The following RELN variants were observed in gnomAD, a reference collection of about 807,000 sequenced individuals.
RELN encodes the protein reelin.
A neutral mutation model predicts 427.6 loss-of-function variants in RELN; 108 were observed. The observed-to-expected ratio is 0.25, with a 90% confidence interval of 0.22 to 0.30. The LOEUF is 0.30. Among genes scored for constraint, RELN ranks in the 10% least tolerant of loss-of-function variants. The pLI, the probability that RELN is intolerant of heterozygous loss-of-function variation, is 1.00. For missense variants in RELN, 3,715 were observed against 4,302.8 expected (o/e 0.86, Z 3.82); for synonymous variants, 1,524 against 1,513.4 (o/e 1.01, Z -0.16).
At chr7:103,949,022 CAAAAAAAAAA>C (rs66678362) in intron 1 of RELN, among the ~76,000 whole-genome samples, 9 of 88,866 alleles carry the variant, frequency 1.0e-4, no homozygotes, top group South Asian at 4.2e-4. Context: ...ACATTGTCTC[CAAAAAAAAAA>C]AAAAAAAAAA....
At chr7:103,775,253 C>T (rs1791709381) in intron 4 of RELN, among the ~76,000 whole-genome samples, 2 of 152,074 alleles carry the variant, frequency 1.3e-5, no homozygotes, top group Admixed American at 1.3e-4. Context: ...AGCCTACCTA[C>T]AAAGGCACAT....
chr7:103,920,124 G>A (rs1455293870), intron 1 of RELN, among the ~76,000 whole-genome samples: 13 of 152,156 alleles, frequency 8.5e-5, no homozygotes, highest in East Asian at 1.9e-4. Context: ...CATTTTTGCA[G>A]TTTTCTGATA....
At position 103,499,975 on chromosome 7, in the gene RELN, T is replaced by A. The variant is rs577094524; in HGVS notation, c.8667+770A>T. Among the ~76,000 whole-genome samples, 169 of 152,322 alleles carry A rather than the reference T, an allele frequency of 1.1e-3. 2 individuals are homozygous for A. The South Asian group carries it at 0.034, about 31-fold the overall frequency. ...AAATGAGCATTGTTCCAATTTTATT[T>A]AAAAAATGTTCAATTCCATAGTTGA... On this transcript the variant is annotated intron_variant, in intron 53 of 64. Coordinates refer to ENST00000428762, the MANE Select transcript of RELN (RefSeq NM_005045.4).
intron 2 of RELN, among the ~76,000 whole-genome samples, chr7:103,860,965 A>G (rs1243094510): frequency 1.3e-5 from 2 of 152,216 alleles, no homozygotes; most frequent in Admixed American, 1.3e-4. Context: ...AACAAATATA[A>G]CAAAAATAAC....
chr7:103,735,921 G>C (rs1381360631), intron 6 of RELN, among the ~76,000 whole-genome samples: 1 of 152,186 alleles, frequency 6.6e-6, no homozygotes, highest in Admixed American at 6.5e-5. Context: ...GAGATAGTCA[G>C]ATAATTTTAA....
intron 6 of RELN, among the ~76,000 whole-genome samples, chr7:103,746,054 G>C (rs905557333): frequency 9.9e-5 from 15 of 151,970 alleles, no homozygotes; most frequent in Non-Finnish European, 2.1e-4. Context: ...GCATGGTACT[G>C]GTACCAAAAC....
At chr7:103,870,641 G>T (rs1794308736) in intron 2 of RELN, among the ~76,000 whole-genome samples, 1 of 152,070 alleles carries the variant, frequency 6.6e-6, no homozygotes, top group Non-Finnish European at 1.5e-5. Flanking sequence ...GATGCCCAGA[G>T]GTGTTTTCAA....
intron 48 of RELN, among the ~76,000 whole-genome samples, chr7:103,520,337 G>A (rs1371184403): frequency 2.0e-5 from 3 of 152,072 alleles, no homozygotes; most frequent in African/African-American, 7.2e-5. Context: ...GTGCAGTGGT[G>A]CAGTCTCGGC....
chr7:103,566,105 A>G (rs2117187887), intron 33 of RELN, 119 bp downstream of exon 33: 3 of 869,210 alleles, frequency 3.5e-6, no homozygotes, highest in Non-Finnish European at 5.6e-6. Flanking sequence ...ACTGAGAGCC[A>G]CCCTCAGCAT....
intron 4 of RELN, among the ~76,000 whole-genome samples, chr7:103,767,323 T>C (rs1791451435): frequency 6.6e-6 from 1 of 152,220 alleles, no homozygotes; most frequent in Admixed American, 6.5e-5. Context: ...GATCTTTTTT[T>C]AACTTTAAGA....
At chr7:103,570,126 AGT>A (rs1830847499) in intron 31 of RELN, among the ~76,000 whole-genome samples, 2 of 152,220 alleles carry the variant, frequency 1.3e-5, no homozygotes, top group Non-Finnish European at 1.5e-5. Context: ...AGTTTATGAA[AGT>A]GTCTCAAGAC....
In RELN at chr7:103,651,510, T is replaced by C. The variant is rs758315412; in HGVS notation, c.1892+151A>G. 4.6e-6 allele frequency: 3 copies of C among 658,368 alleles called. No individual in the cohort carries two copies. The South Asian group carries it at 4.9e-5, about 11-fold the overall frequency. The allele number at this position is 658,368 out of a possible 1,614,324, so 40.8% of individuals were successfully genotyped here. A position where few individuals can be genotyped will look rare whatever the true frequency, so the allele number is the denominator to read the frequency against. ...TGCATCCAGTTTACCAAAGATACTA[T>C]CTTTCTTTCTTTCTTTTTTACAAGA... On this transcript the variant is annotated intron_variant, in intron 15 of 64. Transcript: ENST00000428762.
intron 6 of RELN, among the ~76,000 whole-genome samples, chr7:103,740,013 A>G (rs1790601616): frequency 6.6e-6 from 1 of 152,176 alleles, no homozygotes; most frequent in Non-Finnish European, 1.5e-5. Context: ...AGACTAGATG[A>G]GATAATGGAA....
chr7:103,801,732 A>T (rs887517978), intron 3 of RELN, among the ~76,000 whole-genome samples: 1 of 152,002 alleles, frequency 6.6e-6, no homozygotes, highest in Admixed American at 6.6e-5. Context: ...AGTATAAAAA[A>T]AAAAAAGTGA....
intron 16 of RELN, among the ~76,000 whole-genome samples, chr7:103,647,362 T>C (rs1832818726): frequency 6.6e-6 from 1 of 151,896 alleles, no homozygotes; most frequent in African/African-American, 2.4e-5. Flanking sequence ...TCAGTAAAGA[T>C]TCAGGATATA....
intron 3 of RELN, among the ~76,000 whole-genome samples, chr7:103,825,813 A>G (rs954087722): frequency 2.6e-5 from 4 of 152,144 alleles, no homozygotes; most frequent in Non-Finnish European, 5.9e-5. Context: ...AAACTTAAAT[A>G]GCCACATGGC....
intron 1 of RELN, among the ~76,000 whole-genome samples, chr7:103,939,429 T>C (rs1266605711): frequency 6.6e-6 from 1 of 152,198 alleles, no homozygotes; most frequent in African/African-American, 2.4e-5. Flanking sequence ...ATAAAAATTT[T>C]TGTCTATCAA....
intron 1 of RELN, among the ~76,000 whole-genome samples, chr7:103,987,955 T>A (rs986628649): frequency 5.3e-5 from 8 of 152,208 alleles, no homozygotes; most frequent in East Asian, 3.8e-4. Context: ...AAGGTTTTTT[T>A]AAAAACAGAA....
intron 8 of RELN, among the ~76,000 whole-genome samples, chr7:103,716,857 T>C (rs1257985773): frequency 6.6e-6 from 1 of 152,174 alleles, no homozygotes; most frequent in Non-Finnish European, 1.5e-5. Flanking sequence ...GAGATATCAG[T>C]CTGGGGCAAC....
Sources: gnomAD v4.1 joint callset for allele counts (sites outside exome capture counted in the v4.1 genomes callset) on GRCh38, gnomAD v4.1.1 for gene constraint, MANE v1.5 for transcripts, NCBI Gene and HGNC (gene_info 2026-07-23, HGNC 2026-07-21) for gene names.